The following ACTL8 variants were observed in gnomAD, a reference collection of about 807,000 sequenced individuals.
ACTL8 encodes actin like 8.
Under a neutral mutation model 9.3 loss-of-function variants are expected in ACTL8, and 3 were observed. That is an observed-to-expected ratio of 0.32 (90% CI 0.15 to 0.83). The LOEUF (loss-of-function observed/expected upper bound fraction) is 0.83, where lower values mean the gene tolerates loss of function less well. ACTL8 is among the 40% of genes least tolerant of loss of function. The pLI is 0.57. For missense variants in ACTL8, 381 were observed against 492.2 expected, an observed-to-expected ratio of 0.77 and a Z score of 2.14; for synonymous variants, 224 against 205.9, an observed-to-expected ratio of 1.09 and a Z score of -0.75.
intron 1 of ACTL8, among the ~76,000 whole-genome samples, chr1:17,793,990 C>T (rs2066259853): frequency 6.6e-6 from 1 of 152,120 alleles, no homozygotes; most frequent in African/African-American, 2.4e-5. Flanking sequence ...GGATACTTGG[C>T]CCTCCTTGTC....
chr1:17,786,100 C>T (rs2066195730), intron 1 of ACTL8, among the ~76,000 whole-genome samples: 1 of 152,256 alleles, frequency 6.6e-6, no homozygotes, highest in South Asian at 2.1e-4. Flanking sequence ...TCCCGCAGGC[C>T]TCTGCCATGT....
At chr1:17,777,723 C>T (rs1437846346) in intron 1 of ACTL8, among the ~76,000 whole-genome samples, 1 of 152,140 alleles carries the variant, frequency 6.6e-6, no homozygotes, top group African/African-American at 2.4e-5. Context: ...TGTTTTGAAA[C>T]AGTCTCACTC....
At chr1:17,794,194 A>G (rs2066260979) in intron 1 of ACTL8, among the ~76,000 whole-genome samples, 1 of 152,168 alleles carries the variant, frequency 6.6e-6, no homozygotes, top group South Asian at 2.1e-4. Flanking sequence ...GAGAGTGGGT[A>G]ATATCTGAAC....
chr1:17,758,865 T>C (rs2065983574), intron 1 of ACTL8, among the ~76,000 whole-genome samples: 2 of 152,214 alleles, frequency 1.3e-5, no homozygotes, highest in African/African-American at 4.8e-5. Flanking sequence ...TTTTCTTCTC[T>C]CTTCTTCCCA....
intron 1 of ACTL8, among the ~76,000 whole-genome samples, chr1:17,776,677 C>T (rs562485937): frequency 8.5e-5 from 13 of 152,306 alleles, no homozygotes; most frequent in African/African-American, 2.9e-4. Flanking sequence ...GTGTCACATA[C>T]GTTCCTGTAC....
At chr1:17,824,557 A>T (rs562900297) in intron 2 of ACTL8, among the ~76,000 whole-genome samples, 1 of 152,354 alleles carries the variant, frequency 6.6e-6, no homozygotes, top group Non-Finnish European at 1.5e-5. Flanking sequence ...TTTACTAGGT[A>T]AAATACGTGA....
At chr1:17,811,169 TTTAA>T (rs1194387692) in intron 1 of ACTL8, among the ~76,000 whole-genome samples, 2 of 152,210 alleles carry the variant, frequency 1.3e-5, no homozygotes, top group African/African-American at 4.8e-5. Context: ...ATTTTATGGT[TTTAA>T]TTTGTTTTTC....
At position 17,820,083 on chromosome 1, in the gene ACTL8, A is replaced by T. The variant is rs1347147200; in HGVS notation, c.-24-2902A>T. 2.6e-5 allele frequency among the ~76,000 whole-genome samples: 4 copies of T among 152,346 alleles called. No homozygotes were observed. In the East Asian group the frequency reaches 5.8e-4, roughly 22 times the overall value. On this transcript the variant is annotated intron_variant, in intron 1 of 2. Transcript: ENST00000375406. ...TTGCGGGAATTTAACAAATGCATAC[A>T]GAAGTGTGCCCAGCTCCACAAACAA...
At chr1:17,801,242 A>G (rs1051305091) in intron 1 of ACTL8, among the ~76,000 whole-genome samples, 1 of 152,238 alleles carries the variant, frequency 6.6e-6, no homozygotes, top group Non-Finnish European at 1.5e-5. Context: ...CAAGACACAG[A>G]GAGGTTAATT....
At position 17,797,098 on chromosome 1, in the gene ACTL8, C is replaced by G. The variant is rs1342432111; in HGVS notation, c.-24-25887C>G. ...CTGGGGCACCTGCTACTAAGAAGCT[C>G]TTGTTTAAGCAGAAAGAGCTCAGAC... On this transcript the variant is annotated intron_variant, in intron 1 of 2. Coordinates refer to ENST00000375406, the MANE Select transcript of ACTL8 (RefSeq NM_030812.3). Among the ~76,000 whole-genome samples the G allele has an allele frequency of 2.0e-5, 3 of 151,888 alleles. No homozygotes were observed. The East Asian group carries it at 5.8e-4, about 30-fold the overall frequency.
chr1:17,784,614 A>T lies in ACTL8; in HGVS notation c.-25+29110A>T, dbSNP rs2066182753. ...TCTGAGAGCAGTATAGAATGTTAGG[A>T]AAGAGATTCAGCATCTTCCTATGCT... is the stretch of plus-strand genomic sequence containing the variant. On this transcript the variant is annotated intron_variant, in intron 1 of 2. Transcript: ENST00000375406. Among the ~76,000 whole-genome samples the T allele has an allele frequency of 2.0e-5, 3 of 152,168 alleles. No homozygotes were observed. The South Asian group carries it at 6.2e-4, about 32-fold the overall frequency.
chr1:17,792,191 G>A (rs1053008609), intron 1 of ACTL8, among the ~76,000 whole-genome samples: 1 of 152,232 alleles, frequency 6.6e-6, no homozygotes, highest in African/African-American at 2.4e-5. Flanking sequence ...TTAGGCTCTT[G>A]CAGTAGGCAA....
chr1:17,815,592 T>G (rs2066421252), intron 1 of ACTL8, among the ~76,000 whole-genome samples: 1 of 152,226 alleles, frequency 6.6e-6, no homozygotes, highest in Admixed American at 6.5e-5. Flanking sequence ...AAAAAAATAT[T>G]TGGTATTTAG....
intron 1 of ACTL8, among the ~76,000 whole-genome samples, chr1:17,805,625 G>A (rs983384281): frequency 2.6e-5 from 4 of 151,758 alleles, no homozygotes; most frequent in Admixed American, 2.0e-4. Flanking sequence ...GTGATCCACC[G>A]CCTCAGCCTC....
intron 1 of ACTL8, among the ~76,000 whole-genome samples, chr1:17,774,653 G>T (rs1177549366): frequency 3.3e-5 from 5 of 152,106 alleles, no homozygotes. Context: ...TGGAGTGTTT[G>T]AAGAGCAGAA....
At chr1:17,771,010 A>G (rs564752682) in intron 1 of ACTL8, among the ~76,000 whole-genome samples, 3 of 152,340 alleles carry the variant, frequency 2.0e-5, no homozygotes, top group African/African-American at 7.2e-5. Flanking sequence ...AGATGACAGC[A>G]GTTACCGCCT....
intron 1 of ACTL8, among the ~76,000 whole-genome samples, chr1:17,806,705 C>T (rs901279655): frequency 1.3e-5 from 2 of 152,216 alleles, no homozygotes; most frequent in Admixed American, 6.5e-5. Context: ...ACACAGGGAG[C>T]AAGGGAGGGT....
intron 1 of ACTL8, among the ~76,000 whole-genome samples, chr1:17,805,371 CT>C (rs67716211): frequency 0.27 from 33,143 of 120,810 alleles, 4,517 homozygotes; most frequent in East Asian, 0.47. Flanking sequence ...TTTTCTTTTT[CT>C]TTTTCTTTTT....
rs1326979040 is a variant in ACTL8, at chr1:17,767,529, C to T, written c.-25+12025C>T. ...CTGCTCTCCTGGGGGTTGAGTTTGGCCTTGTCTAAGCCCGTGGCTGGGTGC... is the reference window on the plus strand; with the variant it reads ...CTGCTCTCCTGGGGGTTGAGTTTGGTCTTGTCTAAGCCCGTGGCTGGGTGC... On this transcript the variant is annotated intron_variant, in intron 1 of 2. Coordinates refer to ENST00000375406, the MANE Select transcript of ACTL8 (RefSeq NM_030812.3). This position sits in a 1 kb window ranked among gnomAD's most constrained non-coding sequence, Gnocchi z 4.7. 1.3e-5 allele frequency among the ~76,000 whole-genome samples: 2 copies of T among 152,146 alleles called. No individual in the cohort carries two copies. The highest frequency in any genetic ancestry group is 2.9e-5 in the Non-Finnish European group (2 of 68,012).
Sources: allele counts gnomAD v4.1 joint callset (sites outside exome capture counted in the v4.1 genomes callset), GRCh38; gene constraint gnomAD v4.1.1; non-coding constraint Gnocchi (gnomAD v3.1); transcripts MANE v1.5; gene names NCBI Gene and HGNC (gene_info 2026-07-23, HGNC 2026-07-21).